Variants in DUS2 observed in about 807,000 individuals in gnomAD.
The protein encoded by DUS2 is dihydrouridine synthase 2.
DUS2 carries 52 observed loss-of-function variants against 71.3 expected under a neutral mutation model. The observed-to-expected ratio is 0.73, with a 90% confidence interval of 0.58 to 0.92. The LOEUF (loss-of-function observed/expected upper bound fraction) is 0.92, where lower values mean the gene tolerates loss of function less well. DUS2 is among the 40% of genes least tolerant of loss of function. DUS2 has a pLI of 0.00. For missense variants in DUS2, 558 were observed against 622.6 expected (o/e 0.90, Z 1.10); for synonymous variants, 204 against 227.8 (o/e 0.90, Z 0.94).
chr16:68,024,677 G>A (rs1388585602), intron 1 of DUS2, among the ~76,000 whole-genome samples: 2 of 152,128 alleles, frequency 1.3e-5, no homozygotes, highest in Non-Finnish European at 2.9e-5. Context: ...CAGAGGAAGA[G>A]AGGCTTTTTT....
chr16:68,035,905 T>C lies in DUS2; in HGVS notation c.-18-2101T>C, dbSNP rs991581702. Among the ~76,000 whole-genome samples the C allele has an allele frequency of 7.1e-3, 391 of 54,796 alleles. 11 individuals carry two copies. Among genetic ancestry groups the C allele is most frequent in the African/African-American group, 0.016 (366 of 22,484 alleles). The allele number at this position is 54,796 out of a possible 152,430, so 35.9% of individuals were successfully genotyped here. ...AATTTTATATATATATATATATATA[T>C]ATATATATATATATATATATATATA... is the stretch of plus-strand genomic sequence containing the variant. On this transcript the variant is annotated intron_variant, in intron 2 of 16. Transcript: ENST00000565263.
chr16:68,058,960 C>T (rs1445967551), intron 7 of DUS2, among the ~76,000 whole-genome samples: 1 of 152,142 alleles, frequency 6.6e-6, no homozygotes, highest in Non-Finnish European at 1.5e-5. Flanking sequence ...GCCTGTAATC[C>T]CAGCACTTTG....
intron 4 of DUS2, among the ~76,000 whole-genome samples, chr16:68,049,900 G>A (rs763953267): frequency 6.6e-6 from 1 of 152,198 alleles, no homozygotes; most frequent in Non-Finnish European, 1.5e-5. Flanking sequence ...ACCTCTGTCT[G>A]CCTTAGTTCC....
intron 7 of DUS2, among the ~76,000 whole-genome samples, chr16:68,057,868 G>A (rs894620539): frequency 8.9e-5 from 10 of 112,436 alleles, no homozygotes; most frequent in African/African-American, 2.1e-4. Flanking sequence ...TGACAAGAGC[G>A]AAAATCTGTC....
chr16:68,066,368 C>A lies in DUS2; in HGVS notation c.469C>A (p.Arg157Ser), dbSNP rs753166515. The A allele has an allele frequency of 4.3e-6, 7 of 1,614,000 alleles. No homozygotes were observed. Among genetic ancestry groups the A allele is most frequent in the Non-Finnish European group, 5.9e-6 (7 of 1,180,010 alleles). The change falls in exon 9 of 17, where the codon CGC becomes AGC. Residue 157 changes from arginine to serine, a missense_variant. Coordinates refer to ENST00000565263, the MANE Select transcript of DUS2 (RefSeq NM_017803.5). ...ACGCAGACCTGTGACCTGCAAGATT[C>A]GCATCCTGCCATCGGTAAGGATGGT... The part of the protein sequence containing the change: ...GTRRPVTCKI[R>S]ILPSLEDTLS...
chr16:68,028,178 T>C (rs1037500777), intron 2 of DUS2, among the ~76,000 whole-genome samples: 1 of 152,070 alleles, frequency 6.6e-6, no homozygotes, highest in African/African-American at 2.4e-5. Flanking sequence ...GCAGAGAGAC[T>C]GGTTTGGAGA....
intron 4 of DUS2, 100 bp from the exon 5 acceptor site, chr16:68,053,464 C>G: frequency 8.9e-7 from 1 of 1,119,024 alleles, no homozygotes. Flanking sequence ...TCTCTTTCCC[C>G]TTGAAGCTTA....
chr16:68,049,501 G>T lies in DUS2; in HGVS notation c.127-4G>T. The T allele has an allele frequency of 1.2e-6, 2 of 1,614,166 alleles. No homozygotes were observed. Among genetic ancestry groups the T allele is most frequent in the Non-Finnish European group, 8.5e-7 (1 of 1,180,002 alleles). Reference sequence around the variant, plus strand: ...ATGACAAGCGTCCTCTGATTCCTCTGCAGGAGCTGATCGACCTCAAGATGA... The same window carrying T: ...ATGACAAGCGTCCTCTGATTCCTCTTCAGGAGCTGATCGACCTCAAGATGA... On this transcript the variant is annotated splice_region_variant and splice_polypyrimidine_tract_variant and intron_variant, in intron 3 of 16. Coordinates refer to ENST00000565263, the MANE Select transcript of DUS2 (RefSeq NM_017803.5).
chr16:68,043,612 A>T (rs1173469276), intron 3 of DUS2, among the ~76,000 whole-genome samples: 2 of 152,206 alleles, frequency 1.3e-5, no homozygotes, highest in African/African-American at 4.8e-5. Flanking sequence ...CACCCAGAAT[A>T]GGTAATTTTT....
intron 8 of DUS2, among the ~76,000 whole-genome samples, chr16:68,065,146 T>TTCCCCTCC (rs2033987828): frequency 2.0e-5 from 3 of 152,214 alleles, no homozygotes; most frequent in Non-Finnish European, 4.4e-5. Context: ...GACTTCTTGA[T>TTCCCCTCC]CTTTCTTTGA....
At chr16:68,035,886 A>T (rs1285593914) in intron 2 of DUS2, among the ~76,000 whole-genome samples, 13 of 1,428 alleles carry the variant, frequency 9.1e-3, no homozygotes, top group African/African-American at 9.6e-3. Flanking sequence ...CGCTAATTTT[A>T]TATATATATA....
At chr16:68,058,583 A>G (rs146053613) in intron 7 of DUS2, among the ~76,000 whole-genome samples, 39 of 152,258 alleles carry the variant, frequency 2.6e-4, no homozygotes, top group African/African-American at 9.1e-4. Flanking sequence ...GAGCAGAGTT[A>G]AAATGATCTG....
At chr16:68,061,379 C>G (rs898179687) in intron 8 of DUS2, among the ~76,000 whole-genome samples, 1 of 152,200 alleles carries the variant, frequency 6.6e-6, no homozygotes, top group African/African-American at 2.4e-5. Context: ...CCTGAGGACT[C>G]ACAGAGAACC....
chr16:68,029,058 A>G (rs2033399959), intron 2 of DUS2, among the ~76,000 whole-genome samples: 1 of 152,078 alleles, frequency 6.6e-6, no homozygotes, highest in South Asian at 2.1e-4. Flanking sequence ...ACACAAAATT[A>G]GCTAGATGTG....
chr16:68,062,927 G>A (rs990649421), intron 8 of DUS2, among the ~76,000 whole-genome samples: 3 of 152,116 alleles, frequency 2.0e-5, no homozygotes, highest in Non-Finnish European at 2.9e-5. Context: ...GCAGGGTGGA[G>A]TGGAAGTAGA....
intron 3 of DUS2, among the ~76,000 whole-genome samples, chr16:68,047,552 C>T (rs1401364759): frequency 1.3e-5 from 2 of 149,110 alleles, no homozygotes; most frequent in East Asian, 4.1e-4. Context: ...GGCGCAATCT[C>T]GGCTCACTGC....
At chr16:68,056,500 T>C in intron 7 of DUS2, 76 bp downstream of exon 7, 1 of 1,212,490 alleles carries the variant, frequency 8.2e-7, no homozygotes, top group Middle Eastern at 2.1e-4. Flanking sequence ...CTAAGTATAG[T>C]ACCTAACTCT....
At chr16:68,065,282 C>G (rs948703200) in intron 8 of DUS2, among the ~76,000 whole-genome samples, 2 of 152,112 alleles carry the variant, frequency 1.3e-5, no homozygotes, top group Non-Finnish European at 2.9e-5. Context: ...TGCAGGCCCC[C>G]CTTAAGAGCC....
intron 2 of DUS2, among the ~76,000 whole-genome samples, chr16:68,031,927 T>G (rs1478066242): frequency 6.6e-6 from 1 of 151,954 alleles, no homozygotes; most frequent in East Asian, 1.9e-4. Context: ...ACTCCTGATC[T>G]CAGGTGATCC....
Sources: gnomAD v4.1 joint callset for allele counts (sites outside exome capture counted in the v4.1 genomes callset) on GRCh38, gnomAD v4.1.1 for gene constraint, MANE v1.5 for transcripts, NCBI Gene and HGNC (gene_info 2026-07-23, HGNC 2026-07-21) for gene names.